Variants in SLC20A2 observed in about 807,000 individuals in gnomAD.
The protein encoded by SLC20A2 is sodium-dependent phosphate transporter 2.
SLC20A2 carries 30 observed loss-of-function variants against 61.0 expected under a neutral mutation model. The observed-to-expected ratio is 0.49, with a 90% CI of 0.37 to 0.67. The LOEUF (loss-of-function observed/expected upper bound fraction) is 0.67. Among genes scored for constraint, SLC20A2 ranks in the 30% least tolerant of loss-of-function variants. The pLI is 0.00. For synonymous variants in SLC20A2, 351 were observed against 353.3 expected, an observed-to-expected ratio of 0.99 and a Z score of 0.07; for missense variants, 626 against 866.4, an observed-to-expected ratio of 0.72 and a Z score of 3.48.
intron 6 of SLC20A2, among the ~76,000 whole-genome samples, chr8:42,441,146 T>C (rs1413288229): frequency 6.6e-6 from 1 of 150,804 alleles, no homozygotes; most frequent in Non-Finnish European, 1.5e-5. Flanking sequence ...TTTGCTCTTT[T>C]TTTTTTTTTT....
chr8:42,466,554 G>T (rs1807185964), intron 2 of SLC20A2, among the ~76,000 whole-genome samples: 1 of 152,072 alleles, frequency 6.6e-6, no homozygotes, highest in Non-Finnish European at 1.5e-5. Context: ...CAATATATTG[G>T]GAAAAGATTT....
intron 1 of SLC20A2, among the ~76,000 whole-genome samples, chr8:42,523,290 A>G (rs1305640002): frequency 6.6e-6 from 1 of 152,206 alleles, no homozygotes; most frequent in Admixed American, 6.5e-5. Context: ...AGATTGTGCC[A>G]TTGCACTCCA....
At chr8:42,468,656 G>A in intron 2 of SLC20A2, among the ~76,000 whole-genome samples, 1 of 152,084 alleles carries the variant, frequency 6.6e-6, no homozygotes, top group Middle Eastern at 3.2e-3. Context: ...TAGGGAAAGT[G>A]GGGAGATGGG....
chr8:42,447,394 T>A (rs1474511220), intron 5 of SLC20A2, among the ~76,000 whole-genome samples: 3 of 151,268 alleles, frequency 2.0e-5, no homozygotes, highest in African/African-American at 7.3e-5. Context: ...AACATACATT[T>A]GGGCTGGGTG....
intron 9 of SLC20A2, 45 bp from the exon 10 acceptor site, chr8:42,428,887 G>A: frequency 2.7e-6 from 4 of 1,484,682 alleles, no homozygotes; most frequent in Non-Finnish European, 3.6e-6. Context: ...CTCTGTATCA[G>A]CCTCCCTGAC....
At chr8:42,486,652 C>A (rs1456857800) in intron 1 of SLC20A2, among the ~76,000 whole-genome samples, 1 of 152,180 alleles carries the variant, frequency 6.6e-6, no homozygotes, top group Non-Finnish European at 1.5e-5. Flanking sequence ...GGCCTCACTG[C>A]CTGATGGAAG....
At chr8:42,534,020 A>C (rs55830051) in intron 1 of SLC20A2, among the ~76,000 whole-genome samples, 1 of 152,072 alleles carries the variant, frequency 6.6e-6, no homozygotes, top group Non-Finnish European at 1.5e-5. Flanking sequence ...CCTGCCCCTC[A>C]AAACAACAAA....
chr8:42,525,140 T>C (rs1335454213), intron 1 of SLC20A2, among the ~76,000 whole-genome samples: 1 of 152,172 alleles, frequency 6.6e-6, no homozygotes, highest in Non-Finnish European at 1.5e-5. Flanking sequence ...TTAGGACTGC[T>C]GGTGCCACAC....
intron 1 of SLC20A2, among the ~76,000 whole-genome samples, chr8:42,477,136 C>G (rs907409793): frequency 1.3e-5 from 2 of 152,222 alleles, no homozygotes; most frequent in East Asian, 1.9e-4. Flanking sequence ...CCTCAACACG[C>G]TTTTTGAATT....
intron 1 of SLC20A2, among the ~76,000 whole-genome samples, chr8:42,516,394 T>G (rs1811323364): frequency 6.6e-6 from 1 of 152,210 alleles, no homozygotes; most frequent in Non-Finnish European, 1.5e-5. Context: ...AAAACTCCAG[T>G]TAAGAACTTC....
At chr8:42,440,769 A>G (rs1021490664) in intron 6 of SLC20A2, among the ~76,000 whole-genome samples, 1 of 152,084 alleles carries the variant, frequency 6.6e-6, no homozygotes, top group Non-Finnish European at 1.5e-5. Context: ...AATACTGACA[A>G]AATTTAGTAC....
chr8:42,527,919 T>C (rs186155038), intron 1 of SLC20A2, among the ~76,000 whole-genome samples: 223 of 152,322 alleles, frequency 1.5e-3, no homozygotes, highest in African/African-American at 5.0e-3. Context: ...CATGTGTATG[T>C]GTCTATACAC....
At chr8:42,496,909 C>T (rs142344614) in intron 1 of SLC20A2, among the ~76,000 whole-genome samples, 1 of 152,218 alleles carries the variant, frequency 6.6e-6, no homozygotes, top group Non-Finnish European at 1.5e-5. Context: ...TCCCCACCCC[C>T]CATATGGGCT....
intron 1 of SLC20A2, among the ~76,000 whole-genome samples, chr8:42,534,227 C>T (rs904203003): frequency 6.6e-5 from 10 of 151,970 alleles, no homozygotes; most frequent in Non-Finnish European, 1.3e-4. Flanking sequence ...TGCAGTTAGC[C>T]GCGATCGCAT....
intron 8 of SLC20A2, among the ~76,000 whole-genome samples, chr8:42,436,115 TA>T (rs113346951): frequency 4.7e-5 from 7 of 147,690 alleles, no homozygotes; most frequent in African/African-American, 5.0e-5. Flanking sequence ...GACTCCGTCT[TA>T]AAAAAAAAAA....
At chr8:42,527,491 G>A (rs1053050914) in intron 1 of SLC20A2, among the ~76,000 whole-genome samples, 1 of 151,934 alleles carries the variant, frequency 6.6e-6, no homozygotes, top group African/African-American at 2.4e-5. Context: ...TAAAAATGGG[G>A]AAAAGGCCGG....
intron 10 of SLC20A2, among the ~76,000 whole-genome samples, chr8:42,428,168 C>A (rs1308554605): frequency 6.6e-6 from 1 of 152,240 alleles, no homozygotes; most frequent in Non-Finnish European, 1.5e-5. Flanking sequence ...TTCAGGGCTC[C>A]TCCCTGCAGC....
At chr8:42,432,398 G>A (rs1450760044) in intron 8 of SLC20A2, among the ~76,000 whole-genome samples, 1 of 152,220 alleles carries the variant, frequency 6.6e-6, no homozygotes, top group Non-Finnish European at 1.5e-5. Context: ...TGCTTCTTAT[G>A]GATGAGCAAA....
At chr8:42,497,562 G>A (rs1399415098) in intron 1 of SLC20A2, among the ~76,000 whole-genome samples, 1 of 152,118 alleles carries the variant, frequency 6.6e-6, no homozygotes, top group Non-Finnish European at 1.5e-5. Context: ...GATGGAAATA[G>A]ATACCAGTGG....
Sources: gnomAD v4.1 joint callset for allele counts (sites outside exome capture counted in the v4.1 genomes callset) on GRCh38, gnomAD v4.1.1 for gene constraint, MANE v1.5 for transcripts, NCBI Gene and HGNC (gene_info 2026-07-23, HGNC 2026-07-21) for gene names.